TLL1: variants seen among roughly 807,000 people sequenced by gnomAD.
TLL1 encodes tolloid-like protein 1.
In TLL1, 49 loss-of-function variants were observed where a neutral mutation model predicts 128.2. The observed-to-expected ratio is 0.38, with a 90% CI of 0.30 to 0.48. The LOEUF (loss-of-function observed/expected upper bound fraction) is 0.48. Ranked by LOEUF, TLL1 falls within the 20% of genes least tolerant of loss-of-function variation. TLL1 has a pLI of 0.96. For synonymous variants in TLL1, 454 were observed against 418.8 expected (o/e 1.08, Z -1.03); for missense variants, 1,123 against 1,242.0 (o/e 0.90, Z 1.44).
rs1739716425 is a variant in TLL1, at chr4:166,051,295, CTCCTT to C, written c.1525-3775_1525-3771del. 3.0e-5 allele frequency among the ~76,000 whole-genome samples: 4 copies of C among 131,624 alleles called. No individual in the cohort carries two copies. The South Asian group carries it at 1.1e-3, about 35-fold the overall frequency. The allele number at this position is 131,624 out of a possible 152,430, so 86.4% of individuals were successfully genotyped here. A position where few individuals can be genotyped will look rare whatever the true frequency, so the allele number is the denominator to read the frequency against. ...CCTCCCTCCCTTCTTTCTTCCCTCC[CTCCTT>C]TCCTTCCTTCCTTCCTTCCTTCCTT... is the stretch of plus-strand genomic sequence containing the variant. On this transcript the variant is annotated intron_variant, in intron 12 of 20. Coordinates refer to ENST00000061240, the MANE Select transcript of TLL1 (RefSeq NM_012464.5).
intron 1 of TLL1, among the ~76,000 whole-genome samples, chr4:165,904,008 G>A (rs1038811533): frequency 2.0e-5 from 3 of 151,976 alleles, no homozygotes; most frequent in Admixed American, 1.3e-4. Context: ...TTTAACAAAC[G>A]CTAGTTTCTT....
chr4:166,100,606 A>C (rs1742242188), intron 20 of TLL1, 136 bp from the exon 21 acceptor site: 1 of 1,163,078 alleles, frequency 8.6e-7, no homozygotes, highest in Non-Finnish European at 1.3e-6. Flanking sequence ...GAAGTTGATT[A>C]CACCTACTCT....
At chr4:166,039,042 T>C (rs1739125001) in intron 9 of TLL1, among the ~76,000 whole-genome samples, 1 of 152,198 alleles carries the variant, frequency 6.6e-6, no homozygotes, top group Non-Finnish European at 1.5e-5. Context: ...TTCTGTTTGC[T>C]TTACAATTGT....
chr4:165,879,327 A>T (rs1730878897), intron 1 of TLL1, among the ~76,000 whole-genome samples: 1 of 152,120 alleles, frequency 6.6e-6, no homozygotes, highest in Non-Finnish European at 1.5e-5. Flanking sequence ...TTGTGTATGC[A>T]GGAATCCTAT....
Position 165,995,143 on chromosome 4 carries a change from AGAGAG to A in TLL1, c.598_602del (p.Glu200LeufsTer7). ...TGACTTTCATAGAAAGAAGTGATGA[AGAGAG>A]TTACATTGTATTCACCTATAGGCCT... On this transcript the variant is annotated frameshift_variant, in exon 5 of 21. Transcript: ENST00000061240. LOFTEE classifies it high-confidence loss of function. The A allele has an allele frequency of 6.2e-7, 1 of 1,614,040 alleles. No homozygotes were observed. Among genetic ancestry groups the A allele is most frequent in the South Asian group, 1.1e-5 (1 of 91,082 alleles).
intron 8 of TLL1, among the ~76,000 whole-genome samples, chr4:166,014,998 T>C (rs1270920563): frequency 6.6e-6 from 1 of 151,720 alleles, no homozygotes; most frequent in Non-Finnish European, 1.5e-5. Context: ...TACAATTTTA[T>C]CAGTAGGAAT....
chr4:166,101,338 A>G lies in TLL1; in HGVS notation c.*462A>G. ...GTATCTTGGATACAGTGTAAACCAG[A>G]TCCATATAAGGTGAATGTGAAATGG... On this transcript the variant is annotated 3_prime_UTR_variant, in exon 21 of 21. Coordinates refer to ENST00000061240, the MANE Select transcript of TLL1 (RefSeq NM_012464.5). The G allele has an allele frequency of 9.5e-6, 2 of 210,586 alleles. No homozygotes were observed. The highest frequency in any genetic ancestry group is 7.8e-5 in the South Asian group (1 of 12,748). The allele number at this position is 210,586 out of a possible 1,614,324, so 13.0% of individuals were successfully genotyped here.
At chr4:165,922,470 T>C (rs1733081139) in intron 1 of TLL1, among the ~76,000 whole-genome samples, 1 of 152,184 alleles carries the variant, frequency 6.6e-6, no homozygotes, top group East Asian at 1.9e-4. Context: ...AATCATCCCT[T>C]TTCTTCCCTG....
chr4:165,912,627 A>G (rs901673192), intron 1 of TLL1, among the ~76,000 whole-genome samples: 6 of 152,260 alleles, frequency 3.9e-5, no homozygotes, highest in African/African-American at 1.2e-4. Flanking sequence ...TGCCCATGTG[A>G]TAGCTTTACT....
intron 19 of TLL1, among the ~76,000 whole-genome samples, chr4:166,094,463 AT>A (rs1741928379): frequency 6.6e-6 from 1 of 151,466 alleles, no homozygotes; most frequent in African/African-American, 2.4e-5. Flanking sequence ...GGCTCATTTT[AT>A]TTCCCTGTTT....
At chr4:165,942,610 T>C (rs1407648235) in intron 1 of TLL1, among the ~76,000 whole-genome samples, 2 of 149,166 alleles carry the variant, frequency 1.3e-5, no homozygotes, top group African/African-American at 4.9e-5. Flanking sequence ...GTATATATTT[T>C]ACATAATTAT....
At chr4:165,948,619 G>A (rs554844910) in intron 1 of TLL1, among the ~76,000 whole-genome samples, 43 of 152,226 alleles carry the variant, frequency 2.8e-4, no homozygotes, top group African/African-American at 9.6e-4. Flanking sequence ...TGGTGAGGGG[G>A]CTGATTATGC....
intron 1 of TLL1, among the ~76,000 whole-genome samples, chr4:165,962,643 G>T (rs182166115): frequency 6.6e-6 from 1 of 152,170 alleles, no homozygotes; most frequent in Admixed American, 6.5e-5. Context: ...ACTATTTACA[G>T]TAGCAAGGTA....
intron 1 of TLL1, among the ~76,000 whole-genome samples, chr4:165,886,125 G>A (rs1460193844): frequency 1.3e-5 from 2 of 152,060 alleles, no homozygotes; most frequent in Non-Finnish European, 2.9e-5. Flanking sequence ...TAGTAAGAAG[G>A]AAGTCCAGTA....
Position 166,012,473 on chromosome 4 carries a change from C to A in TLL1, c.918-1963C>A, listed in dbSNP as rs1446676959. On this transcript the variant is annotated intron_variant, in intron 7 of 20. Transcript: ENST00000061240. ...ATGTCATTGACCTTTTCAAATTGAA[C>A]CTTTTTTTGGAAGTTAGGAAAAAAT... Among the ~76,000 whole-genome samples the A allele has an allele frequency of 2.0e-5, 3 of 151,070 alleles. No homozygotes were observed. The East Asian group carries it at 5.8e-4, about 29-fold the overall frequency.
At chr4:165,886,492 C>A (rs1389487642) in intron 1 of TLL1, among the ~76,000 whole-genome samples, 1 of 152,098 alleles carries the variant, frequency 6.6e-6, no homozygotes, top group Non-Finnish European at 1.5e-5. Context: ...AAAAAAGTAA[C>A]AAATACTTTA....
intron 5 of TLL1, among the ~76,000 whole-genome samples, chr4:166,002,765 A>G (rs906340271): frequency 6.6e-6 from 1 of 152,180 alleles, no homozygotes; most frequent in Non-Finnish European, 1.5e-5. Context: ...TTCTTTAATT[A>G]ACTTCTTCTT....
Position 165,933,951 on chromosome 4 carries a change from C to G in TLL1, c.170-55430C>G, listed in dbSNP as rs7654987. Among the ~76,000 whole-genome samples, 1,150 of 152,142 alleles carry G rather than the reference C, an allele frequency of 7.6e-3. 13 individuals carry two copies. Among genetic ancestry groups the G allele is most frequent in the African/African-American group, 0.026 (1,065 of 41,500 alleles). On this transcript the variant is annotated intron_variant, in intron 1 of 20. Transcript: ENST00000061240. ...CCTTTTAGTTCTCCTTTCTGTTTTACTGGAAATTCCTCTGTGTCTCATCCA... is the reference window on the plus strand; with the variant it reads ...CCTTTTAGTTCTCCTTTCTGTTTTAGTGGAAATTCCTCTGTGTCTCATCCA...
intron 1 of TLL1, among the ~76,000 whole-genome samples, chr4:165,889,257 C>G (rs1401854533): frequency 6.6e-6 from 1 of 152,036 alleles, no homozygotes; most frequent in Non-Finnish European, 1.5e-5. Flanking sequence ...CGTTATATAT[C>G]AAATATAACC....
Sources: allele counts gnomAD v4.1 joint callset (sites outside exome capture counted in the v4.1 genomes callset), GRCh38; gene constraint gnomAD v4.1.1; transcripts MANE v1.5; gene names NCBI Gene and HGNC (gene_info 2026-07-23, HGNC 2026-07-21).